GHR: variants seen among roughly 807,000 people sequenced by gnomAD.
GHR encodes the protein growth hormone receptor, also known as GH receptor.
In GHR, 35 loss-of-function variants were observed where a neutral mutation model predicts 67.1. The observed-to-expected ratio is 0.52, with a 90% CI of 0.40 to 0.69. The LOEUF is 0.69. Ranked by LOEUF, GHR falls within the 30% of genes least tolerant of loss-of-function variation. The pLI is 0.00. For missense variants in GHR, 792 were observed against 764.6 expected, an observed-to-expected ratio of 1.04 and a Z score of -0.42; for synonymous variants, 272 against 269.1, an observed-to-expected ratio of 1.01 and a Z score of -0.10.
At chr5:42,610,867 T>A (rs1394179310) in intron 2 of GHR, among the ~76,000 whole-genome samples, 1 of 152,084 alleles carries the variant, frequency 6.6e-6, no homozygotes, top group Non-Finnish European at 1.5e-5. Context: ...CCTGCCTTGG[T>A]GTCCTTGTCA....
chr5:42,675,823 A>G (rs1756546054), intron 3 of GHR, among the ~76,000 whole-genome samples: 1 of 152,222 alleles, frequency 6.6e-6, no homozygotes, highest in South Asian at 2.1e-4. Context: ...CCACAGTACT[A>G]TAAATAAATA....
At chr5:42,699,051 G>A (rs1354675284) in intron 5 of GHR, among the ~76,000 whole-genome samples, 3 of 152,178 alleles carry the variant, frequency 2.0e-5, no homozygotes, top group African/African-American at 7.2e-5. Context: ...CAGTCAAAAA[G>A]ACAGAAAACA....
At chr5:42,665,093 AAAC>A (rs966567665) in intron 3 of GHR, among the ~76,000 whole-genome samples, 16 of 152,320 alleles carry the variant, frequency 1.1e-4, no homozygotes, top group Admixed American at 9.1e-4. Context: ...AAAAGTCAGG[AAAC>A]AACAGGTGCT....
chr5:42,698,908 T>G (rs1757801202), intron 5 of GHR, among the ~76,000 whole-genome samples: 1 of 152,254 alleles, frequency 6.6e-6, no homozygotes, highest in Non-Finnish European at 1.5e-5. Context: ...TTGGAATCCA[T>G]ATTTTTCTTC....
intron 5 of GHR, 142 bp downstream of exon 5, chr5:42,695,231 G>T (rs946113727): frequency 1.4e-6 from 1 of 697,324 alleles, no homozygotes; most frequent in East Asian, 2.7e-5. Flanking sequence ...CAGGAGATGG[G>T]ATCAGCTGGT....
chr5:42,544,227 G>A (rs570827167), intron 1 of GHR, among the ~76,000 whole-genome samples: 2 of 152,212 alleles, frequency 1.3e-5, no homozygotes, highest in South Asian at 4.1e-4. Context: ...AGAAAAAGGG[G>A]ATCCAGCAAG....
At chr5:42,477,686 G>C (rs980769998) in intron 1 of GHR, among the ~76,000 whole-genome samples, 78 of 152,282 alleles carry the variant, frequency 5.1e-4, no homozygotes, top group African/African-American at 1.4e-3. Context: ...GTCTTCTTTT[G>C]AGAAGTGTCT....
chr5:42,635,946 C>T (rs1754157963), intron 3 of GHR, among the ~76,000 whole-genome samples: 1 of 151,840 alleles, frequency 6.6e-6, no homozygotes, highest in African/African-American at 2.4e-5. Context: ...CGCGGTGGCT[C>T]ATGCCTGTAA....
intron 2 of GHR, among the ~76,000 whole-genome samples, chr5:42,613,665 A>G (rs564990144): frequency 4.3e-4 from 65 of 152,138 alleles, no homozygotes; most frequent in Non-Finnish European, 7.6e-4. Context: ...ATAGAAACAG[A>G]TAAATGAATG....
chr5:42,575,364 C>T (rs1017195896), intron 2 of GHR, among the ~76,000 whole-genome samples: 16 of 151,998 alleles, frequency 1.1e-4, no homozygotes, highest in Non-Finnish European at 1.9e-4. Flanking sequence ...TTGAGTTCCC[C>T]AGAAGTAGGA....
At chr5:42,565,533 A>C in intron 1 of GHR, 1 of 985,442 alleles carries the variant, frequency 1.0e-6, no homozygotes, top group Non-Finnish European at 1.2e-6. Flanking sequence ...AAATTAAAGC[A>C]AACCTTACTG....
chr5:42,426,020 T>A (rs773882568), intron 1 of GHR, among the ~76,000 whole-genome samples: 12 of 152,156 alleles, frequency 7.9e-5, no homozygotes, highest in Non-Finnish European at 1.6e-4. Flanking sequence ...TTTGGGCCCA[T>A]GTTTTTTATT....
intron 1 of GHR, among the ~76,000 whole-genome samples, chr5:42,558,928 A>T (rs941132547): frequency 1.1e-4 from 17 of 152,228 alleles, no homozygotes; most frequent in African/African-American, 3.9e-4. Context: ...AACATTATCA[A>T]GATATTTTGC....
At chr5:42,486,302 T>G (rs920566642) in intron 1 of GHR, among the ~76,000 whole-genome samples, 1 of 152,196 alleles carries the variant, frequency 6.6e-6, no homozygotes, top group African/African-American at 2.4e-5. Flanking sequence ...CCCATCTCAT[T>G]TCATCTATTT....
At position 42,424,860 on chromosome 5, in the gene GHR, T is replaced by C. The variant is rs1311338283; in HGVS notation, c.-12+905T>C. 5.8e-6 allele frequency: 2 copies of C among 347,804 alleles called. No individual in the cohort carries two copies. Among genetic ancestry groups the C allele is most frequent in the African/African-American group, 4.4e-5 (2 of 45,162 alleles). The allele number at this position is 347,804 out of a possible 1,614,324, so 21.5% of individuals were successfully genotyped here. On this transcript the variant is annotated intron_variant, in intron 1 of 9. Transcript: ENST00000230882. This position sits in a 1 kb window ranked among gnomAD's most constrained non-coding sequence, Gnocchi z 4.1. The stretch of plus-strand genomic sequence containing the variant: ...GAGACCGAGCTGCGGGGGCTCTCGG[T>C]CTGGCGCGGACTGTGTGTCCTGAAT...
chr5:42,554,088 C>A (rs1561117889), intron 1 of GHR, among the ~76,000 whole-genome samples: 1 of 152,140 alleles, frequency 6.6e-6, no homozygotes, highest in Non-Finnish European at 1.5e-5. Flanking sequence ...TCAATCCTGG[C>A]CATGCTTTAG....
chr5:42,714,440 A>C (rs903158554), intron 8 of GHR, among the ~76,000 whole-genome samples: 2 of 152,172 alleles, frequency 1.3e-5, no homozygotes, highest in Non-Finnish European at 2.9e-5. Context: ...AATGAGATCT[A>C]TGTTAATATA....
At chr5:42,441,423 G>C (rs895412511) in intron 1 of GHR, among the ~76,000 whole-genome samples, 1 of 152,122 alleles carries the variant, frequency 6.6e-6, no homozygotes, top group African/African-American at 2.4e-5. Flanking sequence ...TTGAAAGAGA[G>C]ACAATGAATA....
intron 3 of GHR, among the ~76,000 whole-genome samples, chr5:42,649,522 G>T (rs919944800): frequency 6.6e-6 from 1 of 152,088 alleles, no homozygotes; most frequent in Admixed American, 6.5e-5. Flanking sequence ...GTAATAACAT[G>T]CAAGTCACTT....
Sources: gnomAD v4.1 joint callset for allele counts (sites outside exome capture counted in the v4.1 genomes callset) on GRCh38, gnomAD v4.1.1 for gene constraint, Gnocchi (gnomAD v3.1) non-coding constraint, MANE v1.5 for transcripts, NCBI Gene and HGNC (gene_info 2026-07-23, HGNC 2026-07-21) for gene names.